MIPEP: variants seen among roughly 807,000 people sequenced by gnomAD.
The protein encoded by MIPEP is mitochondrial intermediate peptidase.
A neutral mutation model predicts 90.3 loss-of-function variants in MIPEP; 79 were observed. The ratio of observed to expected loss-of-function variants is 0.87; its 90% CI spans 0.73 to 1.05. MIPEP has a LOEUF of 1.05. Ranked by LOEUF, MIPEP falls within the 50% of genes least tolerant of loss-of-function variation. The pLI, the probability that MIPEP is intolerant of heterozygous loss-of-function variation, is 0.00. For missense variants in MIPEP, 940 were observed against 905.6 expected, an observed-to-expected ratio of 1.04 and a Z score of -0.49; for synonymous variants, 334 against 315.8, an observed-to-expected ratio of 1.06 and a Z score of -0.61.
intron 16 of MIPEP, among the ~76,000 whole-genome samples, chr13:23,773,138 T>C (rs1952671943): frequency 6.6e-6 from 1 of 152,174 alleles, no homozygotes; most frequent in Non-Finnish European, 1.5e-5. Context: ...TCTCCATTCC[T>C]CCTTCCTTCA....
At chr13:23,856,450 A>G (rs1436177811) in intron 10 of MIPEP, among the ~76,000 whole-genome samples, 2 of 152,230 alleles carry the variant, frequency 1.3e-5, no homozygotes, top group African/African-American at 4.8e-5. Flanking sequence ...GCCCAGAGCC[A>G]GGCTTGTGGG....
chr13:23,802,384 G>C (rs970707585), intron 16 of MIPEP, among the ~76,000 whole-genome samples: 2 of 152,142 alleles, frequency 1.3e-5, no homozygotes, highest in African/African-American at 4.8e-5. Flanking sequence ...AGACCAGCCT[G>C]GCCAACATGG....
chr13:23,788,266 T>A (rs1952868333), intron 16 of MIPEP, among the ~76,000 whole-genome samples: 1 of 152,228 alleles, frequency 6.6e-6, no homozygotes, highest in Admixed American at 6.5e-5. Context: ...TTTCTAAACA[T>A]GAATGACTGC....
intron 10 of MIPEP, among the ~76,000 whole-genome samples, chr13:23,843,931 A>G (rs1869419841): frequency 6.6e-6 from 1 of 152,324 alleles, no homozygotes; most frequent in East Asian, 1.9e-4. Flanking sequence ...AGCCGGCACA[A>G]TGAACACAAA....
intron 16 of MIPEP, among the ~76,000 whole-genome samples, chr13:23,796,843 C>G (rs1014666207): frequency 1.3e-5 from 2 of 152,184 alleles, no homozygotes; most frequent in African/African-American, 4.8e-5. Flanking sequence ...GCTTAAGAAT[C>G]TTCTCTAGAA....
chr13:23,753,662 G>A (rs1376577600), intron 18 of MIPEP, among the ~76,000 whole-genome samples: 3 of 152,208 alleles, frequency 2.0e-5, no homozygotes, highest in Non-Finnish European at 4.4e-5. Flanking sequence ...AGAAAGTAGA[G>A]GAATCCTGTG....
At chr13:23,764,671 C>T (rs534878541) in intron 16 of MIPEP, among the ~76,000 whole-genome samples, 1 of 151,612 alleles carries the variant, frequency 6.6e-6, no homozygotes, top group African/African-American at 2.4e-5. Context: ...TAGCCTCAGA[C>T]CTCAGCCTCC....
chr13:23,795,717 TAC>T (rs1952950461), intron 16 of MIPEP, among the ~76,000 whole-genome samples: 1 of 151,624 alleles, frequency 6.6e-6, no homozygotes, highest in Non-Finnish European at 1.5e-5. Context: ...CTTTAAGATA[TAC>T]AGTTAAAATT....
At position 23,889,197 on chromosome 13, in the gene MIPEP, G is replaced by A. The variant is rs1158885783; in HGVS notation, c.124C>T (p.Pro42Ser). Residue 42 changes from proline (P) to serine (S), a missense_variant, in exon 1 of 19, where the codon CCC (proline) becomes TCC (serine). Physicochemically the swap from Pro to Ser is moderately conservative, Grantham distance 74. Transcript: ENST00000382172. Reference sequence around the variant, plus strand: ...TTGACATTGAAGGCGGCGCCCACGGGAGACCAGCTGGTGCTGACCCTTCGG... The same window carrying A: ...TTGACATTGAAGGCGGCGCCCACGGAAGACCAGCTGGTGCTGACCCTTCGG... The part of the protein sequence containing the change: ...RARRVSTSWS[P>S]VGAAFNVKPQ... 4.3e-5 allele frequency: 63 copies of A among 1,465,706 alleles called. No individual in the cohort carries two copies. The highest frequency in any genetic ancestry group is 5.6e-5 in the Non-Finnish European group (62 of 1,110,538). 90.8% of individuals were successfully genotyped at this position (1,465,706 alleles called of 1,614,324 possible).
At chr13:23,869,690 C>T (rs1380363401) in intron 6 of MIPEP, among the ~76,000 whole-genome samples, 3 of 152,120 alleles carry the variant, frequency 2.0e-5, no homozygotes, top group Non-Finnish European at 2.9e-5. Context: ...CTACCCAGTG[C>T]GTGGATCTCT....
chr13:23,874,479 T>A (rs1213360993), intron 5 of MIPEP, among the ~76,000 whole-genome samples: 5 of 152,204 alleles, frequency 3.3e-5, no homozygotes, highest in Admixed American at 1.3e-4. Context: ...ATAATATAAA[T>A]AAATACACTT....
At position 23,869,370 on chromosome 13, in the gene MIPEP, T is replaced by C. The variant is rs1376725704; in HGVS notation, c.865A>G (p.Arg289Gly). 2.5e-6 allele frequency: 4 copies of C among 1,613,748 alleles called. No homozygotes were observed. Among genetic ancestry groups the C allele is most frequent in the South Asian group, 1.1e-5 (1 of 90,964 alleles). Residue 289 changes from arginine (R) to glycine (G), a missense_variant, in exon 7 of 19, where the codon AGA becomes GGA. Coordinates refer to ENST00000382172, the MANE Select transcript of MIPEP (RefSeq NM_005932.4). ...LKCLEELLSS[R>G]DLLAKLVGYS... ...CCCACCAACTTTGCCAGAAGATCTCTGCTGCTGAGCAATTCTTCTAAACAT... is the reference window on the plus strand; with the variant it reads ...CCCACCAACTTTGCCAGAAGATCTCCGCTGCTGAGCAATTCTTCTAAACAT...
intron 14 of MIPEP, among the ~76,000 whole-genome samples, chr13:23,828,685 T>TTTTGA (rs1443646497): frequency 6.6e-6 from 1 of 152,190 alleles, no homozygotes; most frequent in Non-Finnish European, 1.5e-5. Context: ...TGGAGAGATA[T>TTTTGA]GCCATATTCA....
intron 16 of MIPEP, among the ~76,000 whole-genome samples, chr13:23,785,790 T>C (rs1378928905): frequency 6.6e-6 from 1 of 152,128 alleles, no homozygotes; most frequent in East Asian, 1.9e-4. Flanking sequence ...ATTAAAAACT[T>C]CACAAATGAT....
chr13:23,767,779 T>G (rs1047832770), intron 16 of MIPEP, among the ~76,000 whole-genome samples: 5 of 152,202 alleles, frequency 3.3e-5, no homozygotes, highest in South Asian at 2.1e-4. Flanking sequence ...AATTTTTTTT[T>G]GTAAATATTT....
intron 10 of MIPEP, among the ~76,000 whole-genome samples, chr13:23,847,652 G>A (rs536906327): frequency 2.0e-5 from 3 of 152,092 alleles, no homozygotes; most frequent in African/African-American, 4.8e-5. Context: ...TAGGACTGGG[G>A]GAAGTTCGGC....
At chr13:23,818,327 T>C (rs150131047) in intron 14 of MIPEP, among the ~76,000 whole-genome samples, 1 of 151,672 alleles carries the variant, frequency 6.6e-6, no homozygotes, top group East Asian at 1.9e-4. Flanking sequence ...GGCTGAGGCA[T>C]GAGAATCGCT....
intron 16 of MIPEP, among the ~76,000 whole-genome samples, chr13:23,798,595 T>C (rs1245302283): frequency 6.6e-6 from 1 of 152,324 alleles, no homozygotes; most frequent in Admixed American, 6.5e-5. Flanking sequence ...ACATTGGAGA[T>C]AGGGCCTGGT....
intron 14 of MIPEP, among the ~76,000 whole-genome samples, chr13:23,810,763 G>A (rs1473158679): frequency 6.6e-6 from 1 of 152,188 alleles, no homozygotes; most frequent in African/African-American, 2.4e-5. Flanking sequence ...TGCTGGAAGC[G>A]GAAACTAGCC....
Sources: gnomAD v4.1 joint callset for allele counts (sites outside exome capture counted in the v4.1 genomes callset) on GRCh38, gnomAD v4.1.1 for gene constraint, MANE v1.5 for transcripts, NCBI Gene and HGNC (gene_info 2026-07-23, HGNC 2026-07-21) for gene names.